The following RPL3L variants were observed in gnomAD, a reference collection of about 807,000 sequenced individuals.
The protein encoded by RPL3L is ribosomal protein L3 like.
In RPL3L, 44 loss-of-function variants were observed where a neutral mutation model predicts 44.5. The observed-to-expected ratio is 0.99, with a 90% CI of 0.78 to 1.27. The LOEUF (loss-of-function observed/expected upper bound fraction) is 1.27. RPL3L is among the 50% of genes most tolerant of loss of function. The probability of loss-of-function intolerance (pLI) is 0.00; values close to 1 mark genes in which losing one functional copy is unlikely to be tolerated. For missense variants in RPL3L, 631 were observed against 569.1 expected, an observed-to-expected ratio of 1.11 and a Z score of -1.11; for synonymous variants, 292 against 230.7, an observed-to-expected ratio of 1.27 and a Z score of -2.41.
At chr16:1,945,806 CA>C in intron 8 of RPL3L, 28 bp downstream of exon 8, 3 of 1,612,680 alleles carry the variant, frequency 1.9e-6, no homozygotes, top group Non-Finnish European at 2.5e-6. Context: ...CTCGGGCACC[CA>C]CTCCCCAGCC....
chr16:1,946,912 T>G (rs2150861667), intron 6 of RPL3L, 26 bp downstream of exon 6: 1 of 1,585,200 alleles, frequency 6.3e-7, no homozygotes, highest in Admixed American at 1.7e-5. Context: ...CCACACAGTG[T>G]CCCCGTACCC....
At chr16:1,953,094 G>T (rs1281337690) in intron 2 of RPL3L, 52 bp from the exon 3 acceptor site, 1 of 1,538,182 alleles carries the variant, frequency 6.5e-7, no homozygotes, top group Admixed American at 2.0e-5. Context: ...GAGGCCTGTG[G>T]GGGAGGGAGT....
chr16:1,946,443 T>G (rs984857519), intron 7 of RPL3L, among the ~76,000 whole-genome samples, 182 bp downstream of exon 7: 2 of 152,242 alleles, frequency 1.3e-5, no homozygotes, highest in Admixed American at 6.5e-5. Flanking sequence ...TTCTGTCCAG[T>G]GTGCCTGGCG....
At chr16:1,945,959 C>G in intron 7 of RPL3L, 29 bp from the exon 8 acceptor site, 1 of 1,576,756 alleles carries the variant, frequency 6.3e-7, no homozygotes, top group East Asian at 2.2e-5. Context: ...AGAGGCCAGG[C>G]CCGGAAAGGG....
chr16:1,947,969 G>C (rs1159223545), intron 4 of RPL3L, among the ~76,000 whole-genome samples: 2 of 133,068 alleles, frequency 1.5e-5, no homozygotes, highest in South Asian at 2.4e-4. Context: ...TTTGAGTCTC[G>C]CTCTATCGCC....
chr16:1,948,707 T>TTTG (rs554676481), intron 4 of RPL3L, among the ~76,000 whole-genome samples: 1,638 of 142,580 alleles, frequency 0.011, 36 homozygotes, highest in African/African-American at 0.039. Context: ...GTTGTTTTTT[T>TTTG]TTTGTTTGTT....
At chr16:1,946,780 C>T in intron 6 of RPL3L, 54 bp from the exon 7 acceptor site, 1 of 1,595,464 alleles carries the variant, frequency 6.3e-7, no homozygotes. Context: ...AGGCCAGCAG[C>T]CCATCCAGGC....
In RPL3L at chr16:1,949,009, CTT is replaced by C. The variant is rs34900670; in HGVS notation, c.502-1631_502-1630del. 2.1e-3 allele frequency among the ~76,000 whole-genome samples: 266 copies of C among 124,608 alleles called. 3 individuals carry two copies. The highest frequency in any genetic ancestry group is 5.4e-3 in the African/African-American group (164 of 30,518). The allele number at this position is 124,608 out of a possible 152,430, so 81.7% of individuals were successfully genotyped here. On this transcript the variant is annotated intron_variant, in intron 4 of 9. Transcript: ENST00000268661. ...TACAGACGTGAGCCACCGCGCCTGG[CTT>C]TTTTTTTTTTTTTTTGTAGAGATGG... is the stretch of plus-strand genomic sequence containing the variant.
intron 7 of RPL3L, 27 bp from the exon 8 acceptor site, chr16:1,945,957 G>A (rs757878658): frequency 1.3e-6 from 2 of 1,576,418 alleles, no homozygotes; most frequent in East Asian, 2.2e-5. Flanking sequence ...TCAGAGGCCA[G>A]GCCCGGAAAG....
rs1431546258 is a variant in RPL3L at position 1,949,749 on chromosome 16, C to G, written c.501+1095G>C. Among the ~76,000 whole-genome samples, 77 of 21,844 alleles carry G rather than the reference C, an allele frequency of 3.5e-3. 1 individual carries two copies. Among genetic ancestry groups the G allele is most frequent in the African/African-American group, 8.0e-3 (38 of 4,760 alleles). The allele number at this position is 21,844 out of a possible 152,430, so 14.3% of individuals were successfully genotyped here. ...GCAGTATGTACGGGGCAGGTATGTA[C>G]GGGGCAGGTATGTAGGGGGCAGGTA... On this transcript the variant is annotated intron_variant, in intron 4 of 9. Transcript: ENST00000268661.
At chr16:1,945,215 C>T (rs187238038) in intron 9 of RPL3L, among the ~76,000 whole-genome samples, 3 of 151,980 alleles carry the variant, frequency 2.0e-5, no homozygotes, top group Admixed American at 6.6e-5. Context: ...ATTAGCCTGG[C>T]GTGGTGGCAC....
intron 4 of RPL3L, among the ~76,000 whole-genome samples, chr16:1,949,555 A>ATT (rs563038812): frequency 8.9e-6 from 1 of 112,030 alleles, no homozygotes; most frequent in Non-Finnish European, 1.8e-5. Context: ...GTCTGGCTTG[A>ATT]TTTTTTTTTT....
rs773393186 is a variant in RPL3L at position 1,946,985 on chromosome 16, G to A, written c.802C>T (p.Arg268Trp). Reference sequence around the variant, plus strand: ...TGGTGATAGCCCTTCTGCCCGGCCCGAGCAATGGAGCAGCCCACGCGGGCG... The same window carrying A: ...TGGTGATAGCCCTTCTGCCCGGCCCAAGCAATGGAGCAGCCCACGCGGGCG... ...HPARVGCSIA[R>W]AGQKGYHHRT... is the part of the protein sequence containing the mutation. The change falls in exon 6 of 10, where the codon CGG (arginine) becomes TGG (tryptophan). Residue 268 changes from arginine (R) to tryptophan (W), a missense_variant. By Grantham distance (101) the Arg-to-Trp change is moderately radical. Coordinates refer to ENST00000268661, the MANE Select transcript of RPL3L (RefSeq NM_005061.3). 1.7e-5 allele frequency: 27 copies of A among 1,610,480 alleles called. No homozygotes were observed. Among genetic ancestry groups the A allele is most frequent in the South Asian group, 3.3e-5 (3 of 90,996 alleles).
chr16:1,945,429 C>A lies in RPL3L; in HGVS notation c.1167+70G>T, dbSNP rs1445787045. ...AGGGGAGTCCCTGCCAGCTCCAGCT[C>A]CCTACTCGGGCAGGCTGGATGTGGA... On this transcript the variant is annotated intron_variant, in intron 9 of 9. Transcript: ENST00000268661. The A allele has an allele frequency of 1.9e-6, 3 of 1,552,134 alleles. No individual in the cohort carries two copies. The African/African-American group carries it at 4.1e-5, about 21-fold the overall frequency.
intron 7 of RPL3L, 97 bp downstream of exon 7, chr16:1,946,528 C>T: frequency 1.6e-6 from 2 of 1,239,438 alleles, no homozygotes; most frequent in East Asian, 5.0e-5. Flanking sequence ...TGGGGCATGC[C>T]CCCTACATGT....
At chr16:1,950,153 A>C (rs1264299825) in intron 4 of RPL3L, among the ~76,000 whole-genome samples, 1 of 73,156 alleles carries the variant, frequency 1.4e-5, no homozygotes, top group Non-Finnish European at 2.4e-5. Flanking sequence ...GCAGGTATGT[A>C]TGGGGTGGGT....
intron 7 of RPL3L, 31 bp downstream of exon 7, chr16:1,946,583 AGCGGTGTGATG>A (rs1441519953): frequency 3.1e-6 from 5 of 1,588,844 alleles, no homozygotes; most frequent in Non-Finnish European, 3.4e-6. Flanking sequence ...AGCCATCATC[AGCGGTGTGATG>A]GGCCTGGCAG....
chr16:1,954,229 G>A lies in RPL3L; in HGVS notation c.4-81C>T, dbSNP rs554226887. ...GATGGTCCCAGAACCCATACCTGGA[G>A]AAATGGACTACAGGCTTCAGACTGA... is the stretch of plus-strand genomic sequence containing the variant. On this transcript the variant is annotated intron_variant, in intron 1 of 9. Coordinates refer to ENST00000268661, the MANE Select transcript of RPL3L (RefSeq NM_005061.3). The A allele has an allele frequency of 1.6e-5, 21 of 1,342,726 alleles. No homozygotes were observed. In the East Asian group the frequency reaches 5.8e-4, roughly 37 times the overall value. The allele number at this position is 1,342,726 out of a possible 1,614,324, so 83.2% of individuals were successfully genotyped here.
intron 3 of RPL3L, among the ~76,000 whole-genome samples, chr16:1,951,601 C>T (rs903140233): frequency 5.9e-5 from 9 of 151,894 alleles, no homozygotes; most frequent in Non-Finnish European, 8.8e-5. Context: ...AGGCTGGTCT[C>T]GAAGCCCTGA....
Sources: gnomAD v4.1 joint callset for allele counts (sites outside exome capture counted in the v4.1 genomes callset) on GRCh38, gnomAD v4.1.1 for gene constraint, MANE v1.5 for transcripts, NCBI Gene and HGNC (gene_info 2026-07-23, HGNC 2026-07-21) for gene names.